Variants in PTPRD observed in about 807,000 individuals in gnomAD.
The protein encoded by PTPRD is protein tyrosine phosphatase receptor type D, also known as receptor-type tyrosine-protein phosphatase delta.
Under a neutral mutation model 214.5 loss-of-function variants are expected in PTPRD, and 34 were observed. The ratio of observed to expected loss-of-function variants is 0.16; its 90% CI spans 0.12 to 0.21. PTPRD has a LOEUF of 0.21. PTPRD is among the 10% of genes least tolerant of loss of function. PTPRD has a pLI of 1.00. For missense variants in PTPRD, 2,545 were observed against 2,398.7 expected (o/e 1.06, Z -1.27); for synonymous variants, 1,128 against 845.7 (o/e 1.33, Z -5.79).
At chr9:8,359,174 G>C (rs2077805996) in intron 39 of PTPRD, among the ~76,000 whole-genome samples, 1 of 148,922 alleles carries the variant, frequency 6.7e-6, no homozygotes, top group South Asian at 2.1e-4. Context: ...GATTCGGCAG[G>C]GATCTTAGAG....
chr9:10,178,759 G>A (rs375180899), intron 3 of PTPRD, among the ~76,000 whole-genome samples: 4 of 152,044 alleles, frequency 2.6e-5, no homozygotes, highest in South Asian at 4.1e-4. Flanking sequence ...ATTATAGGAT[G>A]TTTAGCAACA....
rs142834875 is a variant in PTPRD at position 10,279,168 on chromosome 9, C to T, written c.-545+61795G>A. ...ATTCTTACTGTTCTCCAATTCATCC[C>T]TCCACTCTTGTCAGTAGTAAGAACA... On this transcript the variant is annotated intron_variant, in intron 3 of 45. Coordinates refer to ENST00000381196, the MANE Select transcript of PTPRD (RefSeq NM_002839.4). Among the ~76,000 whole-genome samples the T allele has an allele frequency of 4.2e-3, 639 of 151,750 alleles. 6 individuals are homozygous for T. The highest frequency in any genetic ancestry group is 0.014 in the African/African-American group (588 of 41,060).
At chr9:9,148,629 T>C (rs1357173419) in intron 10 of PTPRD, among the ~76,000 whole-genome samples, 1 of 152,086 alleles carries the variant, frequency 6.6e-6, no homozygotes, top group East Asian at 1.9e-4. Context: ...AAAGGAGGCA[T>C]AAAAACTAAT....
chr9:8,328,297 G>T (rs1836070044), intron 44 of PTPRD, among the ~76,000 whole-genome samples: 1 of 152,126 alleles, frequency 6.6e-6, no homozygotes, highest in Non-Finnish European at 1.5e-5. Context: ...GGCTGGATAT[G>T]AAATTCTGGG....
intron 9 of PTPRD, among the ~76,000 whole-genome samples, chr9:9,275,457 C>T (rs945149848): frequency 4.0e-5 from 6 of 150,414 alleles, no homozygotes; most frequent in South Asian, 2.1e-4. Context: ...TGGACCCACC[C>T]GAAGAGGGTG....
chr9:9,132,968 G>T lies in PTPRD; in HGVS notation c.-143+50336C>A, dbSNP rs143554299. ...GCATATCAGATAAAGTCCAATGCAG[G>T]AAACAAAAGACATTAGTTTTTCTTT... On this transcript the variant is annotated intron_variant, in intron 10 of 45. Coordinates refer to ENST00000381196, the MANE Select transcript of PTPRD (RefSeq NM_002839.4). 2.6e-5 allele frequency among the ~76,000 whole-genome samples: 4 copies of T among 152,256 alleles called. No homozygotes were observed. In the East Asian group the frequency reaches 7.7e-4, roughly 29 times the overall value.
intron 30 of PTPRD, among the ~76,000 whole-genome samples, chr9:8,482,276 G>A (rs577041787): frequency 1.5e-5 from 2 of 133,702 alleles, no homozygotes; most frequent in East Asian, 4.6e-4. Context: ...CATTAAAGCA[G>A]CTACCAATAA....
rs35323571 is a variant in PTPRD at position 10,057,499 on chromosome 9, G to GA, written c.-544-23710dup. Among the ~76,000 whole-genome samples the GA allele has an allele frequency of 2.5e-3, 380 of 151,896 alleles. 1 individual carries two copies. Among genetic ancestry groups the GA allele is most frequent in the Non-Finnish European group, 4.4e-3 (298 of 67,920 alleles). ...TCATAGACCTAAGGACATTAAAGAA[G>GA]AAAAAAATCCTCCCTAAACATTTGG... On this transcript the variant is annotated intron_variant, in intron 3 of 45. Coordinates refer to ENST00000381196, the MANE Select transcript of PTPRD (RefSeq NM_002839.4).
intron 14 of PTPRD, among the ~76,000 whole-genome samples, chr9:8,623,039 C>G (rs999585406): frequency 2.0e-5 from 3 of 151,796 alleles, no homozygotes; most frequent in Admixed American, 6.6e-5. Flanking sequence ...ATAGTCCCAG[C>G]AACTCAGGGA....
intron 7 of PTPRD, among the ~76,000 whole-genome samples, chr9:9,653,580 G>T (rs2096432078): frequency 6.6e-6 from 1 of 151,988 alleles, no homozygotes; most frequent in South Asian, 2.1e-4. Context: ...TTTGTAATAG[G>T]CTGCTTACCT....
chr9:8,346,503 T>C (rs4742484), intron 39 of PTPRD, among the ~76,000 whole-genome samples: 132,739 of 152,072 alleles, frequency 0.87, 58,133 homozygotes, highest in East Asian at 0.92. Flanking sequence ...AATGACATAC[T>C]TTTCTGAAAA....
intron 4 of PTPRD, among the ~76,000 whole-genome samples, chr9:9,954,660 A>G (rs1446613748): frequency 6.6e-6 from 1 of 152,056 alleles, no homozygotes; most frequent in Non-Finnish European, 1.5e-5. Context: ...TACATAACAA[A>G]CATCCTTATA....
In PTPRD at chr9:10,157,879, A is replaced by G. The variant is rs368464514; in HGVS notation, c.-544-124089T>C. Among the ~76,000 whole-genome samples the G allele has an allele frequency of 7.2e-5, 11 of 152,150 alleles. 1 individual carries two copies. Among genetic ancestry groups the G allele is most frequent in the African/African-American group, 2.4e-4 (10 of 41,512 alleles). On this transcript the variant is annotated intron_variant, in intron 3 of 45. Transcript: ENST00000381196. ...CTATTCTTCTTTGACTATCTATTTT[A>G]GAAAGCCAGTCTTCAAGCTCTGAGA...
At chr9:10,027,112 T>C (rs936764001) in intron 4 of PTPRD, among the ~76,000 whole-genome samples, 12 of 152,196 alleles carry the variant, frequency 7.9e-5, no homozygotes, top group Non-Finnish European at 1.0e-4. Flanking sequence ...TGATAGGAAT[T>C]AGAGTCAGAT....
At chr9:8,548,990 C>A (rs1022114439) in intron 14 of PTPRD, among the ~76,000 whole-genome samples, 1 of 151,932 alleles carries the variant, frequency 6.6e-6, no homozygotes, top group African/African-American at 2.4e-5. Flanking sequence ...CGTGCCCGGG[C>A]CACAGCTGGA....
intron 8 of PTPRD, among the ~76,000 whole-genome samples, chr9:9,481,883 GT>G (rs1403714667): frequency 1.3e-5 from 2 of 152,078 alleles, no homozygotes; most frequent in Non-Finnish European, 2.9e-5. Flanking sequence ...ATTTTAGTCA[GT>G]TTTTATTGCA....
chr9:8,499,956 G>T, intron 24 of PTPRD, 116 bp from the exon 25 acceptor site: 2 of 694,648 alleles, frequency 2.9e-6, no homozygotes, highest in Non-Finnish European at 4.2e-6. Context: ...AACCCACTAT[G>T]TTTTCTTTGA....
At chr9:10,303,388 GAAGAC>G (rs1250502907) in intron 3 of PTPRD, among the ~76,000 whole-genome samples, 1 of 151,960 alleles carries the variant, frequency 6.6e-6, no homozygotes, top group Non-Finnish European at 1.5e-5. Context: ...AAAGCTAGCA[GAAGAC>G]AAGAAATAAC....
chr9:9,331,482 G>C (rs2042297719), intron 9 of PTPRD, among the ~76,000 whole-genome samples: 1 of 152,024 alleles, frequency 6.6e-6, no homozygotes, highest in Non-Finnish European at 1.5e-5. Context: ...GAGAGCACAA[G>C]TTTTGTAGGA....
Sources: gnomAD v4.1 joint callset for allele counts (sites outside exome capture counted in the v4.1 genomes callset) on GRCh38, gnomAD v4.1.1 for gene constraint, MANE v1.5 for transcripts, NCBI Gene and HGNC (gene_info 2026-07-23, HGNC 2026-07-21) for gene names.